SCFD2: variants seen among roughly 807,000 people sequenced by gnomAD.
SCFD2 encodes the protein sec1 family domain containing 2, also known as sec1 family domain-containing protein 2.
A neutral mutation model predicts 58.9 loss-of-function variants in SCFD2; 54 were observed. The observed-to-expected ratio is 0.92, with a 90% CI of 0.74 to 1.15. The LOEUF is 1.15. Ranked by LOEUF, SCFD2 falls within the 50% of genes most tolerant of loss-of-function variation. SCFD2 has a pLI of 0.00. For missense variants in SCFD2, 805 were observed against 836.6 expected, an observed-to-expected ratio of 0.96 and a Z score of 0.47; for synonymous variants, 321 against 335.9, an observed-to-expected ratio of 0.96 and a Z score of 0.49.
At chr4:52,901,292 G>A (rs543698244) in intron 7 of SCFD2, among the ~76,000 whole-genome samples, 88 of 152,214 alleles carry the variant, frequency 5.8e-4, no homozygotes, top group African/African-American at 1.4e-3. Context: ...CTCCACCCCC[G>A]GCTCTTGATC....
chr4:53,263,971 AGCTACTGTG>A (rs1730905618), intron 4 of SCFD2, among the ~76,000 whole-genome samples: 1 of 152,148 alleles, frequency 6.6e-6, no homozygotes, highest in South Asian at 2.1e-4. Context: ...GGCTTGCTGC[AGCTACTGTG>A]GGAGATGGTG....
At chr4:53,228,717 G>T (rs572751836) in intron 4 of SCFD2, among the ~76,000 whole-genome samples, 1 of 152,092 alleles carries the variant, frequency 6.6e-6, no homozygotes, top group Non-Finnish European at 1.5e-5. Context: ...GCACAAGACA[G>T]GGATGCCCTC....
At chr4:53,304,184 G>GC (rs1313279091) in intron 3 of SCFD2, among the ~76,000 whole-genome samples, 1 of 151,928 alleles carries the variant, frequency 6.6e-6, no homozygotes, top group African/African-American at 2.4e-5. Context: ...TAGGGATACT[G>GC]CCAAGAGATC....
chr4:53,227,330 T>C (rs1351547143), intron 4 of SCFD2, among the ~76,000 whole-genome samples: 2 of 152,176 alleles, frequency 1.3e-5, no homozygotes, highest in Non-Finnish European at 2.9e-5. Context: ...TCCTTGATGA[T>C]TTTTCCTGTC....
chr4:52,977,273 A>T (rs547219549), intron 5 of SCFD2, among the ~76,000 whole-genome samples: 7 of 152,310 alleles, frequency 4.6e-5, no homozygotes, highest in Non-Finnish European at 8.8e-5. Context: ...GGTCACTTAC[A>T]CTTGACTGCA....
chr4:53,105,734 G>A (rs1724974764), intron 5 of SCFD2, among the ~76,000 whole-genome samples: 1 of 152,186 alleles, frequency 6.6e-6, no homozygotes, highest in Non-Finnish European at 1.5e-5. Flanking sequence ...CAGTACACCT[G>A]GGGGAAGGAG....
intron 5 of SCFD2, among the ~76,000 whole-genome samples, chr4:53,096,645 T>G (rs1383642441): frequency 6.6e-6 from 1 of 152,204 alleles, no homozygotes; most frequent in South Asian, 2.1e-4. Context: ...TTGCAAAAAT[T>G]TTCTCCCATT....
At chr4:53,033,054 C>T (rs553799106) in intron 5 of SCFD2, among the ~76,000 whole-genome samples, 3 of 152,008 alleles carry the variant, frequency 2.0e-5, no homozygotes, top group Non-Finnish European at 4.4e-5. Context: ...CTAAAATTGA[C>T]CACATAATTG....
At chr4:53,303,643 A>T (rs987826170) in intron 3 of SCFD2, among the ~76,000 whole-genome samples, 31 of 152,206 alleles carry the variant, frequency 2.0e-4, no homozygotes, top group African/African-American at 6.8e-4. Flanking sequence ...CTATAAAGAC[A>T]CATGCACATG....
At chr4:53,088,588 C>T (rs558920614) in intron 5 of SCFD2, among the ~76,000 whole-genome samples, 3 of 152,170 alleles carry the variant, frequency 2.0e-5, no homozygotes, top group Non-Finnish European at 4.4e-5. Context: ...TCTATTCTAT[C>T]CCTGTCCCAC....
At chr4:53,307,894 T>C (rs1215753146) in intron 3 of SCFD2, among the ~76,000 whole-genome samples, 1 of 151,988 alleles carries the variant, frequency 6.6e-6, no homozygotes, top group Non-Finnish European at 1.5e-5. Context: ...AGAAGGAAAG[T>C]CCACAGAAAG....
At chr4:53,171,956 ATTATTTAT>A (rs139737323) in intron 4 of SCFD2, among the ~76,000 whole-genome samples, 61 of 149,510 alleles carry the variant, frequency 4.1e-4, no homozygotes, top group African/African-American at 1.4e-3. Flanking sequence ...CATTGATTTG[ATTATTTAT>A]TTATTTATTT....
intron 7 of SCFD2, among the ~76,000 whole-genome samples, chr4:52,899,093 C>G (rs905257988): frequency 2.0e-5 from 3 of 152,188 alleles, no homozygotes; most frequent in Non-Finnish European, 4.4e-5. Flanking sequence ...TGGGTCTTGA[C>G]TCTTTATCCG....
intron 3 of SCFD2, among the ~76,000 whole-genome samples, chr4:53,280,380 G>GT (rs1158305814): frequency 6.6e-6 from 1 of 152,146 alleles, no homozygotes; most frequent in African/African-American, 2.4e-5. Context: ...GCCAGGCATA[G>GT]TATCATATGC....
At chr4:53,015,623 A>C (rs1275024711) in intron 5 of SCFD2, among the ~76,000 whole-genome samples, 1 of 151,870 alleles carries the variant, frequency 6.6e-6, no homozygotes, top group Admixed American at 6.6e-5. Flanking sequence ...AGTGTACCCA[A>C]CCCCAGTTTA....
chr4:53,157,408 A>T (rs1400624644), intron 4 of SCFD2, among the ~76,000 whole-genome samples: 3 of 152,184 alleles, frequency 2.0e-5, no homozygotes, highest in Admixed American at 1.3e-4. Flanking sequence ...TCAAACAAGG[A>T]TATCCACAAG....
intron 5 of SCFD2, among the ~76,000 whole-genome samples, chr4:52,977,171 G>A (rs1430744320): frequency 2.6e-5 from 4 of 152,102 alleles, no homozygotes; most frequent in African/African-American, 9.7e-5. Flanking sequence ...CACTGGAGGT[G>A]GAGAGAATAT....
At chr4:53,138,205 C>G (rs1183996648) in intron 5 of SCFD2, among the ~76,000 whole-genome samples, 1 of 152,022 alleles carries the variant, frequency 6.6e-6, no homozygotes, top group Non-Finnish European at 1.5e-5. Context: ...TCAGCAAAAT[C>G]AAGAATGGTC....
At chr4:52,981,274 GA>G (rs949740880) in intron 5 of SCFD2, among the ~76,000 whole-genome samples, 6 of 152,160 alleles carry the variant, frequency 3.9e-5, no homozygotes, top group Admixed American at 3.9e-4. Flanking sequence ...AATTCAGACA[GA>G]AACTAGTGAG....
Sources: gnomAD v4.1 joint callset for allele counts (sites outside exome capture counted in the v4.1 genomes callset) on GRCh38, gnomAD v4.1.1 for gene constraint, MANE v1.5 for transcripts, NCBI Gene and HGNC (gene_info 2026-07-23, HGNC 2026-07-21) for gene names.